The following FMN1 variants were observed in gnomAD, a reference collection of about 807,000 sequenced individuals.
FMN1 encodes the protein formin 1, also known as formin-1.
A neutral mutation model predicts 132.4 loss-of-function variants in FMN1; 110 were observed. That is an observed-to-expected ratio of 0.83 (90% CI 0.71 to 0.97). The LOEUF is 0.97. FMN1 is among the 50% of genes least tolerant of loss of function. The pLI is 0.00. For synonymous variants in FMN1, 722 were observed against 651.7 expected (o/e 1.11, Z -1.64); for missense variants, 1,792 against 1,705.3 (o/e 1.05, Z -0.90).
At chr15:32,777,447 ATAT>A (rs1332314166) in intron 19 of FMN1, among the ~76,000 whole-genome samples, 3 of 105,712 alleles carry the variant, frequency 2.8e-5, no homozygotes, top group African/African-American at 6.8e-5. Context: ...ATATATTTAT[ATAT>A]TATATTTATA....
At position 32,838,541 on chromosome 15, in the gene FMN1, T is replaced by C. The variant is rs181677410; in HGVS notation, c.3928+18474A>G. Among the ~76,000 whole-genome samples, 226 of 152,334 alleles carry C rather than the reference T, an allele frequency of 1.5e-3. 1 individual carries two copies. Among genetic ancestry groups the C allele is most frequent in the African/African-American group, 5.3e-3 (219 of 41,578 alleles). On this transcript the variant is annotated intron_variant, in intron 17 of 20. Coordinates refer to ENST00000616417, the MANE Select transcript of FMN1 (RefSeq NM_001277313.2). ...TTACGAGTGACCTGACTGCAGGCTC[T>C]GTCCTCTCCTGGCCTCCAGCCTGTG... is the stretch of plus-strand genomic sequence containing the variant.
intron 16 of FMN1, among the ~76,000 whole-genome samples, chr15:32,883,617 T>C (rs574145060): frequency 5.4e-4 from 80 of 147,618 alleles, no homozygotes; most frequent in African/African-American, 1.8e-3. Context: ...CCTACGTTAC[T>C]AGAGATCCTG....
intron 2 of FMN1, among the ~76,000 whole-genome samples, chr15:33,189,898 C>T (rs935221171): frequency 3.3e-5 from 5 of 152,204 alleles, no homozygotes; most frequent in Admixed American, 2.6e-4. Context: ...AGAGCATCAA[C>T]AAACTACATG....
At chr15:32,996,829 A>T (rs1018434558) in intron 7 of FMN1, among the ~76,000 whole-genome samples, 8 of 152,148 alleles carry the variant, frequency 5.3e-5, no homozygotes, top group Admixed American at 3.3e-4. Flanking sequence ...ACACATGAAC[A>T]CACCATACAA....
intron 17 of FMN1, among the ~76,000 whole-genome samples, chr15:32,814,310 T>A (rs1197843592): frequency 7.2e-5 from 11 of 152,268 alleles, no homozygotes; most frequent in Non-Finnish European, 1.5e-4. Context: ...TAATTTTCAC[T>A]TAAGGGATAA....
intron 7 of FMN1, among the ~76,000 whole-genome samples, chr15:33,005,905 T>C (rs948671441): frequency 3.9e-5 from 6 of 152,192 alleles, no homozygotes; most frequent in South Asian, 4.1e-4. Context: ...CTCCCTCCTC[T>C]CCTTTTCTTC....
At chr15:33,123,801 G>A (rs1048298549) in intron 4 of FMN1, among the ~76,000 whole-genome samples, 1 of 152,146 alleles carries the variant, frequency 6.6e-6, no homozygotes, top group Non-Finnish European at 1.5e-5. Context: ...ATTACAAGTG[G>A]CAGAAATCCA....
At chr15:33,018,379 T>C (rs539474306) in intron 6 of FMN1, among the ~76,000 whole-genome samples, 8 of 152,272 alleles carry the variant, frequency 5.3e-5, no homozygotes, top group African/African-American at 1.9e-4. Flanking sequence ...GGGTTGGGAC[T>C]TTCAGTTCCA....
intron 17 of FMN1, among the ~76,000 whole-genome samples, chr15:32,840,406 A>G (rs545668996): frequency 3.3e-5 from 5 of 152,294 alleles, no homozygotes; most frequent in African/African-American, 9.6e-5. Context: ...TTCCCTTCTC[A>G]CTACTAGAAG....
chr15:32,986,232 A>G (rs1027288974), intron 7 of FMN1, among the ~76,000 whole-genome samples: 1 of 152,180 alleles, frequency 6.6e-6, no homozygotes, highest in Non-Finnish European at 1.5e-5. Context: ...AATACTTGCA[A>G]TTGAGGACAT....
At chr15:33,175,784 C>T (rs939983960) in intron 3 of FMN1, among the ~76,000 whole-genome samples, 5 of 152,270 alleles carry the variant, frequency 3.3e-5, no homozygotes, top group African/African-American at 1.2e-4. Flanking sequence ...CAAAATCATC[C>T]AAGAAATTCT....
intron 10 of FMN1, among the ~76,000 whole-genome samples, chr15:32,913,104 C>G (rs1055600718): frequency 6.6e-6 from 1 of 152,056 alleles, no homozygotes; most frequent in Admixed American, 6.6e-5. Flanking sequence ...TTTCTGATCG[C>G]GGTTACTAGG....
intron 4 of FMN1, among the ~76,000 whole-genome samples, chr15:33,142,001 G>A (rs1964029876): frequency 1.3e-5 from 2 of 152,138 alleles, no homozygotes; most frequent in South Asian, 4.2e-4. Flanking sequence ...TGATACATGG[G>A]CTACGCTGTT....
rs554107530 is a variant in FMN1, at chr15:32,907,373, T to C, written c.3377+1117A>G. On this transcript the variant is annotated intron_variant, in intron 12 of 20. Transcript: ENST00000616417. ...ATAAGGAGCGTGCAACCTGGATCGC[T>C]CACATGCGCAGTTCACAATAGGGTT... Among the ~76,000 whole-genome samples the C allele has an allele frequency of 4.6e-5, 7 of 152,172 alleles. No individual in the cohort carries two copies. The East Asian group carries it at 1.4e-3, about 30-fold the overall frequency.
In FMN1 at chr15:32,960,995, C is replaced by CAAAAA. The variant is rs539245532; in HGVS notation, c.3138+3107_3138+3111dup. Among the ~76,000 whole-genome samples the CAAAAA allele has an allele frequency of 2.7e-3, 158 of 59,100 alleles. 8 individuals carry two copies. Among genetic ancestry groups the CAAAAA allele is most frequent in the African/African-American group, 0.013 (150 of 11,234 alleles). 38.8% of individuals were successfully genotyped at this position (59,100 alleles called of 152,430 possible). A position where few individuals can be genotyped will look rare whatever the true frequency, so the allele number is the denominator to read the frequency against. On this transcript the variant is annotated intron_variant, in intron 9 of 20. Transcript: ENST00000616417. ...AGATGACAAGAGTGAGACTCCGTCT[C>CAAAAA]AAAAAAAAAAAAAAAAAAAAAAAAG... is the stretch of plus-strand genomic sequence containing the variant.
At chr15:32,781,650 C>T (rs2077680) in intron 19 of FMN1, among the ~76,000 whole-genome samples, 71,740 of 151,950 alleles carry the variant, frequency 0.47, 17,182 homozygotes, top group Middle Eastern at 0.61. Context: ...AATCTCCCTG[C>T]TATAAACCCA....
chr15:32,802,643 G>A (rs2057518338), intron 18 of FMN1, among the ~76,000 whole-genome samples: 1 of 152,178 alleles, frequency 6.6e-6, no homozygotes, highest in Admixed American at 6.5e-5. Flanking sequence ...CTAATGCACG[G>A]CAGCAGTTTC....
At chr15:32,793,405 G>A (rs1028120406) in intron 19 of FMN1, among the ~76,000 whole-genome samples, 3 of 151,808 alleles carry the variant, frequency 2.0e-5, no homozygotes, top group Admixed American at 1.3e-4. Flanking sequence ...TCAGCCTCCC[G>A]AGTAGCTGGG....
At chr15:32,967,392 G>A (rs2031343241) in intron 8 of FMN1, among the ~76,000 whole-genome samples, 1 of 152,214 alleles carries the variant, frequency 6.6e-6, no homozygotes, top group Non-Finnish European at 1.5e-5. Context: ...CTCGTCCAGG[G>A]CTTACAGGTG....
Sources: allele counts gnomAD v4.1 joint callset (sites outside exome capture counted in the v4.1 genomes callset), GRCh38; gene constraint gnomAD v4.1.1; transcripts MANE v1.5; gene names NCBI Gene and HGNC (gene_info 2026-07-23, HGNC 2026-07-21).